Variants in MSRA observed in about 807,000 individuals in gnomAD.
The protein encoded by MSRA is mitochondrial peptide methionine sulfoxide reductase.
MSRA carries 54 observed loss-of-function variants against 31.3 expected under a neutral mutation model. That is an observed-to-expected ratio of 1.73 (90% CI 1.39 to 2.17). The LOEUF (loss-of-function observed/expected upper bound fraction) is 2.17. MSRA is among the 30% of genes most tolerant of loss of function. MSRA has a pLI of 0.00. For missense variants in MSRA, 507 were observed against 300.9 expected, an observed-to-expected ratio of 1.69 and a Z score of -5.07; for synonymous variants, 169 against 116.5, an observed-to-expected ratio of 1.45 and a Z score of -2.90.
intron 5 of MSRA, among the ~76,000 whole-genome samples, chr8:10,362,356 A>G (rs1351385200): frequency 6.6e-6 from 1 of 151,756 alleles, no homozygotes; most frequent in Non-Finnish European, 1.5e-5. Flanking sequence ...CCCCATGAGC[A>G]AGTGTCCTCC....
chr8:10,217,451 A>G (rs918526670), intron 2 of MSRA, among the ~76,000 whole-genome samples: 2 of 152,220 alleles, frequency 1.3e-5, no homozygotes, highest in African/African-American at 2.4e-5. Flanking sequence ...AAAACAAGCA[A>G]TGGACCAGCT....
chr8:10,282,511 C>T (rs1799674694), intron 3 of MSRA, among the ~76,000 whole-genome samples: 1 of 152,204 alleles, frequency 6.6e-6, no homozygotes, highest in African/African-American at 2.4e-5. Flanking sequence ...GGACAGGTGT[C>T]CATTCTGTGT....
At chr8:10,244,172 C>T (rs879830702) in intron 2 of MSRA, among the ~76,000 whole-genome samples, 8 of 152,120 alleles carry the variant, frequency 5.3e-5, no homozygotes, top group Non-Finnish European at 8.8e-5. Flanking sequence ...CTCAGTTATA[C>T]GTAACTTCAT....
chr8:10,426,969 C>G (rs1809209788), intron 5 of MSRA, among the ~76,000 whole-genome samples: 1 of 99,840 alleles, frequency 1.0e-5, no homozygotes, highest in South Asian at 4.7e-4. Context: ...TCGTTCCGGA[C>G]CTGCTGGGCC....
At chr8:10,425,306 C>A (rs941550612) in intron 5 of MSRA, among the ~76,000 whole-genome samples, 1 of 152,204 alleles carries the variant, frequency 6.6e-6, no homozygotes, top group African/African-American at 2.4e-5. Flanking sequence ...CTGCGGTTTC[C>A]CTGCTCGCCT....
intron 1 of MSRA, among the ~76,000 whole-genome samples, chr8:10,140,180 C>T (rs887975212): frequency 6.6e-6 from 1 of 152,138 alleles, no homozygotes; most frequent in South Asian, 2.1e-4. Flanking sequence ...GAGGGATACT[C>T]AGCAAGTCCT....
intron 1 of MSRA, among the ~76,000 whole-genome samples, chr8:10,133,248 C>G (rs1386713628): frequency 6.6e-6 from 1 of 152,194 alleles, no homozygotes; most frequent in South Asian, 2.1e-4. Context: ...ACATTAGTTA[C>G]ACAGAGCTGC....
intron 5 of MSRA, among the ~76,000 whole-genome samples, chr8:10,356,246 A>C (rs2129162033): frequency 6.6e-6 from 1 of 152,384 alleles, no homozygotes; most frequent in East Asian, 1.9e-4. Context: ...CACAGATCTT[A>C]CAGGAAAGGC....
At chr8:10,327,391 G>C (rs2129141960) in intron 5 of MSRA, among the ~76,000 whole-genome samples, 1 of 152,180 alleles carries the variant, frequency 6.6e-6, no homozygotes, top group South Asian at 2.1e-4. Flanking sequence ...AATTAATACA[G>C]GGTCATTTTA....
At chr8:10,192,049 T>A (rs1042933259) in intron 1 of MSRA, among the ~76,000 whole-genome samples, 1 of 152,170 alleles carries the variant, frequency 6.6e-6, no homozygotes. Context: ...AGCCTCCGTT[T>A]CCTGCCACAT....
chr8:10,115,643 G>C (rs1446701005), intron 1 of MSRA, among the ~76,000 whole-genome samples: 1 of 152,160 alleles, frequency 6.6e-6, no homozygotes, highest in African/African-American at 2.4e-5. Context: ...CTAAAAGATT[G>C]ATGCCATGAG....
chr8:10,163,263 G>A (rs549704404), intron 1 of MSRA, among the ~76,000 whole-genome samples: 5 of 152,288 alleles, frequency 3.3e-5, no homozygotes, highest in African/African-American at 9.6e-5. Context: ...AGCAGCCCCC[G>A]CCGACTCAGA....
chr8:10,276,142 G>T (rs993532820), intron 3 of MSRA, among the ~76,000 whole-genome samples: 3 of 152,290 alleles, frequency 2.0e-5, no homozygotes, highest in African/African-American at 7.2e-5. Context: ...TGACCTCCGT[G>T]GTGGTGGCTA....
intron 5 of MSRA, among the ~76,000 whole-genome samples, chr8:10,342,710 A>G (rs941117887): frequency 3.3e-5 from 5 of 152,150 alleles, no homozygotes; most frequent in African/African-American, 1.2e-4. Context: ...CTGAGCCCCA[A>G]AGAGGTAAAG....
At chr8:10,117,267 G>A (rs1800753884) in intron 1 of MSRA, among the ~76,000 whole-genome samples, 1 of 152,188 alleles carries the variant, frequency 6.6e-6, no homozygotes, top group African/African-American at 2.4e-5. Context: ...TGGGATGGGG[G>A]AGGAGAGAGG....
chr8:10,124,371 C>G (rs199627727), intron 1 of MSRA, among the ~76,000 whole-genome samples: 2 of 152,258 alleles, frequency 1.3e-5, no homozygotes, highest in East Asian at 3.9e-4. Context: ...GGTGGTTTTC[C>G]CCTGTATGAT....
chr8:10,100,742 C>G (rs548933538), intron 1 of MSRA, among the ~76,000 whole-genome samples: 14 of 152,170 alleles, frequency 9.2e-5, no homozygotes, highest in Non-Finnish European at 1.6e-4. Flanking sequence ...TTTTATTTCT[C>G]CAAAAGCAAG....
At chr8:10,315,208 A>G (rs1801644633) in intron 4 of MSRA, among the ~76,000 whole-genome samples, 1 of 152,252 alleles carries the variant, frequency 6.6e-6, no homozygotes, top group African/African-American at 2.4e-5. Flanking sequence ...CGTGGGGATT[A>G]TTGGAGCTAC....
intron 1 of MSRA, among the ~76,000 whole-genome samples, chr8:10,110,096 A>G (rs913534548): frequency 6.6e-6 from 1 of 152,166 alleles, no homozygotes; most frequent in Non-Finnish European, 1.5e-5. Flanking sequence ...CCACACAGAC[A>G]TTCACTGAGC....
Sources: allele counts gnomAD v4.1 joint callset (sites outside exome capture counted in the v4.1 genomes callset), GRCh38; gene constraint gnomAD v4.1.1; transcripts MANE v1.5; gene names NCBI Gene and HGNC (gene_info 2026-07-23, HGNC 2026-07-21).